The following DOT1L variants were observed in gnomAD, a reference collection of about 807,000 sequenced individuals.
DOT1L encodes the protein DOT1 like histone lysine methyltransferase, also known as histone-lysine N-methyltransferase, H3 lysine-79 specific.
Under a neutral mutation model 153.3 loss-of-function variants are expected in DOT1L, and 33 were observed. That is an observed-to-expected ratio of 0.22 (90% CI 0.16 to 0.29). The LOEUF (loss-of-function observed/expected upper bound fraction) is 0.29, where lower values mean the gene tolerates loss of function less well. Ranked by LOEUF, DOT1L falls within the 10% of genes least tolerant of loss-of-function variation. DOT1L has a pLI of 1.00. For missense variants in DOT1L, 1,847 were observed against 2,119.9 expected, an observed-to-expected ratio of 0.87 and a Z score of 2.53; for synonymous variants, 1,135 against 965.1, an observed-to-expected ratio of 1.18 and a Z score of -3.26.
At chr19:2,168,445 G>A (rs1029652284) in intron 1 of DOT1L, among the ~76,000 whole-genome samples, 1 of 152,230 alleles carries the variant, frequency 6.6e-6, no homozygotes, top group Non-Finnish European at 1.5e-5. Flanking sequence ...GCTGCTTGGA[G>A]GAGGGGCCAT....
At chr19:2,166,972 T>C (rs76856096) in intron 1 of DOT1L, among the ~76,000 whole-genome samples, 5,344 of 152,286 alleles carry the variant, frequency 0.035, 309 homozygotes, top group African/African-American at 0.12. Context: ...CATGTTGCCC[T>C]TTGGTCCTGG....
At position 2,216,732 on chromosome 19, in the gene DOT1L, C is replaced by T. The variant is rs1307709868; in HGVS notation, c.2375C>T (p.Pro792Leu). 1 of 1,596,360 alleles carries T rather than the reference C, an allele frequency of 6.3e-7. No individual in the cohort carries two copies. Residue 792 changes from proline (P) to leucine (L), a missense_variant, in exon 20 of 28, where the codon CCC becomes CTC. Around this residue, in one of 8 missense-constraint regions of DOT1L, gnomAD observed 281 missense variants for 263.6 expected, o/e 1.07. Transcript: ENST00000398665. ...RRHLSQDHTV[P>L]GRPAASELHS... The stretch of plus-strand genomic sequence containing the variant: ...CACCTGAGCCAGGACCACACGGTGC[C>T]CGGCAGGCCGGCTGCCAGTGAGCTG...
chr19:2,190,088 C>T lies in DOT1L; in HGVS notation c.264+293C>T, dbSNP rs1263520770. Among the ~76,000 whole-genome samples, 1 of 152,152 alleles carries T rather than the reference C, an allele frequency of 6.6e-6. No homozygotes were observed. The highest frequency in any genetic ancestry group is 1.5e-5 in the Non-Finnish European group (1 of 68,020). On this transcript the variant is annotated intron_variant, in intron 4 of 27. Coordinates refer to ENST00000398665, the MANE Select transcript of DOT1L (RefSeq NM_032482.3). This position sits in a 1 kb window ranked among gnomAD's most constrained non-coding sequence, Gnocchi z 4.8. Reference sequence around the variant, plus strand: ...CTCTGCAGCCCTGGGTTGGTGTCCGCAGGTCCCAGCAGAGGCGGGGTCCCT... The same window carrying T: ...CTCTGCAGCCCTGGGTTGGTGTCCGTAGGTCCCAGCAGAGGCGGGGTCCCT...
chr19:2,227,360 C>T (rs1305182387), intron 27 of DOT1L: 2 of 729,854 alleles, frequency 2.7e-6, no homozygotes, highest in African/African-American at 1.7e-5. Flanking sequence ...CTCTTGTTTT[C>T]AGAAGGCCAC....
intron 12 of DOT1L, among the ~76,000 whole-genome samples, chr19:2,209,354 T>C (rs1411843036): frequency 2.6e-5 from 4 of 152,242 alleles, no homozygotes; most frequent in Non-Finnish European, 5.9e-5. Context: ...TCCTTCCCCT[T>C]GTTAATACTT....
chr19:2,194,443 T>C, intron 6 of DOT1L, 72 bp from the exon 7 acceptor site: 2 of 1,575,736 alleles, frequency 1.3e-6, no homozygotes, highest in Non-Finnish European at 1.7e-6. Context: ...AGTGCCGGGA[T>C]TACAGGCGTG....
At position 2,208,676 on chromosome 19, in the gene DOT1L, CCT is replaced by C. The variant is rs925409257; in HGVS notation, c.964-258_964-257del. 2.0e-5 allele frequency among the ~76,000 whole-genome samples: 3 copies of C among 152,202 alleles called. No homozygotes were observed. The highest frequency in any genetic ancestry group is 4.4e-5 in the Non-Finnish European group (3 of 68,040). On this transcript the variant is annotated intron_variant, in intron 11 of 27. Transcript: ENST00000398665. The surrounding 1 kb of genome is among the most constrained non-coding windows in gnomAD (Gnocchi z 4.4). Reference sequence around the variant, plus strand: ...CAGAAGCAGAGACACATCCCAGGGCCCTGTGTCTGTTCTGAAGGCTTAAACCA... The same window carrying C: ...CAGAAGCAGAGACACATCCCAGGGCCGTGTCTGTTCTGAAGGCTTAAACCA...
chr19:2,227,370 C>T (rs1339274345), intron 27 of DOT1L: 1 of 719,152 alleles, frequency 1.4e-6, no homozygotes. Flanking sequence ...CAGAAGGCCA[C>T]CGTGCGCAGG....
intron 3 of DOT1L, among the ~76,000 whole-genome samples, chr19:2,187,684 A>C (rs2144726016): frequency 6.6e-6 from 1 of 152,288 alleles, no homozygotes; most frequent in South Asian, 2.1e-4. Flanking sequence ...GCACTTTGGG[A>C]GGCCGAGGCG....
Position 2,191,215 on chromosome 19 carries a change from C to A in DOT1L, c.468C>A (p.Asp156Glu). Residue 156 changes from aspartate to glutamate, a missense_variant, in exon 5 of 28, where the codon GAC (aspartate) becomes GAA (glutamate). This residue lies in a region of DOT1L where 148 missense variants were observed against 422.3 expected (regional missense o/e 0.35). Transcript: ENST00000398665. This position sits in a 1 kb window ranked among gnomAD's most constrained non-coding sequence, Gnocchi z 6.8. ...QMIDEIKMTD[D>E]DLFVDLGSGV... Reference sequence around the variant, plus strand: ...TTGATGAGATCAAGATGACCGACGACGACCTGTTTGTGGACTTGGGGAGCG... The same window carrying A: ...TTGATGAGATCAAGATGACCGACGAAGACCTGTTTGTGGACTTGGGGAGCG... 6.2e-7 allele frequency: 1 copy of A among 1,613,912 alleles called. No individual in the cohort carries two copies. The highest frequency in any genetic ancestry group is 8.5e-7 in the Non-Finnish European group (1 of 1,180,000).
chr19:2,179,653 C>A (rs2022132836), intron 1 of DOT1L, among the ~76,000 whole-genome samples: 1 of 152,064 alleles, frequency 6.6e-6, no homozygotes, highest in South Asian at 2.1e-4. Flanking sequence ...ACCAAAAATA[C>A]AAAGTTAGCC....
chr19:2,164,275 G>A lies in DOT1L; in HGVS notation c.81+10G>A, dbSNP rs777398807. 1.6e-6 allele frequency: 2 copies of A among 1,259,924 alleles called. No homozygotes were observed. Among genetic ancestry groups the A allele is most frequent in the South Asian group, 3.7e-5 (1 of 27,108 alleles). The allele number at this position is 1,259,924 out of a possible 1,614,324, so 78.0% of individuals were successfully genotyped here. ...GCCGCTGCCGGTCTACGTGAGTGCC[G>A]CCCTCCACCGTCCCTACCTCCCGGC... On this transcript the variant is annotated intron_variant, in intron 1 of 27. Coordinates refer to ENST00000398665, the MANE Select transcript of DOT1L (RefSeq NM_032482.3).
chr19:2,168,568 A>G (rs1281509762), intron 1 of DOT1L, among the ~76,000 whole-genome samples: 3 of 152,140 alleles, frequency 2.0e-5, no homozygotes, highest in Non-Finnish European at 4.4e-5. Context: ...TTTTATTCTT[A>G]CATGACCTGG....
chr19:2,211,083 C>T lies in DOT1L; in HGVS notation c.1352-16C>T, dbSNP rs2023695524. 6.2e-7 allele frequency: 1 copy of T among 1,608,830 alleles called. No homozygotes were observed. The highest frequency in any genetic ancestry group is 8.5e-7 in the Non-Finnish European group (1 of 1,176,612). On this transcript the variant is annotated splice_polypyrimidine_tract_variant and intron_variant, in intron 14 of 27. Transcript: ENST00000398665. ...CCGACCCGCCCTGTGCTGACGCCTGCCCTCCGCTCTCCCAGATGCCTACAG... is the reference window on the plus strand; with the variant it reads ...CCGACCCGCCCTGTGCTGACGCCTGTCCTCCGCTCTCCCAGATGCCTACAG...
chr19:2,210,835 C>T lies in DOT1L; in HGVS notation c.1331C>T (p.Thr444Met), dbSNP rs374446300. 97 of 1,612,544 alleles carry T rather than the reference C, an allele frequency of 6.0e-5. No individual in the cohort carries two copies. Among genetic ancestry groups the T allele is most frequent in the Non-Finnish European group, 7.7e-5 (91 of 1,179,918 alleles). ...DALHAQTVSQTAASSPQDAYR... is the reference protein window; with the variant it reads ...DALHAQTVSQMAASSPQDAYR... ...CTGCACGCTCAGACCGTGTCTCAGA[C>T]GGCGGCCTCCTCACCCCAGGGTGAG... The change falls in exon 14 of 28, where the codon ACG (threonine) becomes ATG (methionine). Residue 444 changes from threonine (T) to methionine (M), a missense_variant. By Grantham distance (81) the Thr-to-Met change is moderately conservative. Coordinates refer to ENST00000398665, the MANE Select transcript of DOT1L (RefSeq NM_032482.3).
At chr19:2,212,031 C>A in intron 16 of DOT1L, 189 bp downstream of exon 16, 1 of 584,350 alleles carries the variant, frequency 1.7e-6, no homozygotes, top group Non-Finnish European at 3.0e-6. Context: ...ACCCGGAAAA[C>A]AGCGAAAATG....
At chr19:2,228,680 G>A (rs1194556725) in intron 27 of DOT1L, 8 of 985,276 alleles carry the variant, frequency 8.1e-6, no homozygotes, top group East Asian at 1.1e-4. Context: ...CGAGGCTCAC[G>A]GGGTGCCAGG....
At position 2,222,176 on chromosome 19, in the gene DOT1L, G is replaced by C. The variant is rs923183589; in HGVS notation, c.3007G>C (p.Ala1003Pro). ...CCGGAACTCGCTTCCTGCCTCTCCC[G>C]CCCACCAGCTCTCCTCCAGTCCCCG... ...QPRNSLPASP[A>P]HQLSSSPRLG... is the part of the protein sequence containing the mutation. Residue 1003 changes from alanine (A) to proline (P), a missense_variant, in exon 24 of 28, where the codon GCC becomes CCC. Around this residue, in one of 8 missense-constraint regions of DOT1L, gnomAD observed 934 missense variants for 825.3 expected, o/e 1.13. Transcript: ENST00000398665. This position sits in a 1 kb window ranked among gnomAD's most constrained non-coding sequence, Gnocchi z 6.5. 22 of 1,612,854 alleles carry C rather than the reference G, an allele frequency of 1.4e-5. No homozygotes were observed. The highest frequency in any genetic ancestry group is 1.9e-5 in the Non-Finnish European group (22 of 1,179,836).
At chr19:2,164,664 C>G (rs913432331) in intron 1 of DOT1L, among the ~76,000 whole-genome samples, 19 of 143,718 alleles carry the variant, frequency 1.3e-4, no homozygotes, top group Admixed American at 4.4e-4. Context: ...GGCATCCTTT[C>G]CTGTCTCCTC....
Sources: allele counts gnomAD v4.1 joint callset (sites outside exome capture counted in the v4.1 genomes callset), GRCh38; gene constraint gnomAD v4.1.1; regional missense constraint gnomAD v4.1.1; non-coding constraint Gnocchi (gnomAD v3.1); transcripts MANE v1.5; gene names NCBI Gene and HGNC (gene_info 2026-07-23, HGNC 2026-07-21).